Variants in ROBO2 observed in about 807,000 individuals in gnomAD.
The protein encoded by ROBO2 is roundabout homolog 2.
ROBO2 carries 53 observed loss-of-function variants against 160.8 expected under a neutral mutation model. That is an observed-to-expected ratio of 0.33 (90% CI 0.26 to 0.41). ROBO2 has a LOEUF of 0.41. Ranked by LOEUF, ROBO2 falls within the 10% of genes least tolerant of loss-of-function variation. ROBO2 has a pLI of 1.00. For synonymous variants in ROBO2, 664 were observed against 611.7 expected (o/e 1.09, Z -1.26); for missense variants, 1,577 against 1,722.4 (o/e 0.92, Z 1.49).
intron 2 of ROBO2, among the ~76,000 whole-genome samples, chr3:76,336,765 A>T (rs915747242): frequency 6.6e-6 from 1 of 150,906 alleles, no homozygotes; most frequent in Non-Finnish European, 1.5e-5. Flanking sequence ...ACATAAATAC[A>T]TTATCCATCT....
chr3:76,121,929 T>C (rs1207066036), intron 2 of ROBO2, among the ~76,000 whole-genome samples: 1 of 152,206 alleles, frequency 6.6e-6, no homozygotes, highest in Non-Finnish European at 1.5e-5. Flanking sequence ...AGTATCTATG[T>C]AACGTGAAGA....
At chr3:77,453,295 GCA>G (rs1407758228) in intron 2 of ROBO2, among the ~76,000 whole-genome samples, 1 of 151,900 alleles carries the variant, frequency 6.6e-6, no homozygotes, top group Admixed American at 6.6e-5. Context: ...TGGCTTTGAG[GCA>G]CAGAGTTAAA....
intron 2 of ROBO2, among the ~76,000 whole-genome samples, chr3:77,249,678 T>G (rs1370534105): frequency 6.6e-6 from 1 of 152,154 alleles, no homozygotes; most frequent in Non-Finnish European, 1.5e-5. Context: ...ATACAAAACT[T>G]AAACCTAGTT....
intron 2 of ROBO2, among the ~76,000 whole-genome samples, chr3:76,612,626 T>C (rs963998128): frequency 6.6e-6 from 1 of 152,130 alleles, no homozygotes; most frequent in Admixed American, 6.5e-5. Context: ...AATGGGTTGA[T>C]AGGTGCAGCA....
At chr3:77,280,973 A>G (rs1282383413) in intron 2 of ROBO2, among the ~76,000 whole-genome samples, 2 of 152,222 alleles carry the variant, frequency 1.3e-5, no homozygotes, top group Non-Finnish European at 2.9e-5. Context: ...CAGAGTGGAA[A>G]ATAGTTGTTG....
chr3:76,112,924 A>G (rs1286065806), intron 2 of ROBO2, among the ~76,000 whole-genome samples: 2 of 152,124 alleles, frequency 1.3e-5, no homozygotes, highest in Non-Finnish European at 2.9e-5. Context: ...ATGATATAAT[A>G]CTTTAAAAAT....
rs543205181 is a variant in ROBO2 at position 77,458,126 on chromosome 3, A to T, written c.389-19288A>T. Among the ~76,000 whole-genome samples, 29 of 152,260 alleles carry T rather than the reference A, an allele frequency of 1.9e-4. No homozygotes were observed. In the South Asian group the frequency reaches 5.2e-3, roughly 27 times the overall value. ...CCCCATTTCACAGATGAAGAAACAA[A>T]AAATTAGAGAGGGTAAATAACTTGC... On this transcript the variant is annotated intron_variant, in intron 2 of 25. Transcript: ENST00000461745.
chr3:76,649,081 A>T (rs1365418551), intron 2 of ROBO2, among the ~76,000 whole-genome samples: 1 of 152,146 alleles, frequency 6.6e-6, no homozygotes, highest in African/African-American at 2.4e-5. Flanking sequence ...TAGTAGGAAG[A>T]TGATGTGAAT....
intron 2 of ROBO2, among the ~76,000 whole-genome samples, chr3:77,169,909 G>T (rs1226186251): frequency 4.6e-5 from 7 of 152,136 alleles, no homozygotes; most frequent in Non-Finnish European, 7.3e-5. Context: ...GTCTCTGGGG[G>T]GTGGGATGGC....
chr3:77,562,197 C>A (rs559649599), intron 9 of ROBO2, among the ~76,000 whole-genome samples: 1 of 152,220 alleles, frequency 6.6e-6, no homozygotes, highest in South Asian at 2.1e-4. Context: ...TGCTTATTTA[C>A]TCGGGTATGT....
intron 2 of ROBO2, among the ~76,000 whole-genome samples, chr3:76,719,919 A>G (rs1345564701): frequency 6.6e-6 from 1 of 152,092 alleles, no homozygotes; most frequent in East Asian, 1.9e-4. Flanking sequence ...TAGAGAAAAA[A>G]ATGTGTTTGA....
At chr3:76,766,701 T>C (rs1343670431) in intron 2 of ROBO2, among the ~76,000 whole-genome samples, 1 of 151,506 alleles carries the variant, frequency 6.6e-6, no homozygotes, top group African/African-American at 2.4e-5. Context: ...AACAACAAAG[T>C]TGGGGGTGGA....
intron 2 of ROBO2, among the ~76,000 whole-genome samples, chr3:77,252,831 A>AATATATATATAT (rs1553872376): frequency 0.011 from 139 of 12,490 alleles, 5 homozygotes; most frequent in African/African-American, 0.019. Context: ...AAAAAAAAAA[A>AATATATATATAT]ATATATATAT....
intron 2 of ROBO2, among the ~76,000 whole-genome samples, chr3:76,079,869 T>C (rs2068764797): frequency 1.3e-5 from 2 of 152,046 alleles, no homozygotes; most frequent in African/African-American, 4.8e-5. Context: ...GAAAGAAATT[T>C]CTACAAAATC....
chr3:76,884,526 A>C (rs2073687166), intron 2 of ROBO2, among the ~76,000 whole-genome samples: 1 of 152,152 alleles, frequency 6.6e-6, no homozygotes, highest in Non-Finnish European at 1.5e-5. Flanking sequence ...TGGTATGTCA[A>C]ATCAGAATTC....
chr3:76,529,273 T>A (rs989566222), intron 2 of ROBO2, among the ~76,000 whole-genome samples: 5 of 152,152 alleles, frequency 3.3e-5, no homozygotes, highest in Non-Finnish European at 7.3e-5. Flanking sequence ...ACAAAAGGAA[T>A]GGCAAGTCTC....
chr3:77,623,755 T>G (rs937985180), intron 23 of ROBO2, among the ~76,000 whole-genome samples: 1 of 152,198 alleles, frequency 6.6e-6, no homozygotes, highest in African/African-American at 2.4e-5. Context: ...ATAATCTCCT[T>G]CAGGGTAAAA....
intron 2 of ROBO2, among the ~76,000 whole-genome samples, chr3:77,389,441 A>G (rs973888717): frequency 3.9e-5 from 6 of 152,208 alleles, no homozygotes; most frequent in African/African-American, 1.4e-4. Context: ...CACCACAGAC[A>G]TAAAAGATTT....
chr3:76,038,671 G>A (rs763486123), intron 2 of ROBO2, among the ~76,000 whole-genome samples: 81 of 151,764 alleles, frequency 5.3e-4, no homozygotes, highest in Admixed American at 9.2e-4. Flanking sequence ...CCTAGCTATT[G>A]ATCCCAAGAG....
Sources: allele counts gnomAD v4.1 joint callset (sites outside exome capture counted in the v4.1 genomes callset), GRCh38; gene constraint gnomAD v4.1.1; transcripts MANE v1.5; gene names NCBI Gene and HGNC (gene_info 2026-07-23, HGNC 2026-07-21).